Variants in SPTBN1 observed in about 807,000 individuals in gnomAD.
SPTBN1 encodes the protein spectrin beta, non-erythrocytic 1.
SPTBN1 carries 32 observed loss-of-function variants against 266.4 expected under a neutral mutation model. The observed-to-expected ratio is 0.12, with a 90% CI of 0.09 to 0.16. The LOEUF is 0.16. SPTBN1 is among the 10% of genes least tolerant of loss of function. The pLI, the probability that SPTBN1 is intolerant of heterozygous loss-of-function variation, is 1.00. For missense variants in SPTBN1, 2,296 were observed against 3,067.1 expected (o/e 0.75, Z 5.94); for synonymous variants, 1,336 against 1,162.2 (o/e 1.15, Z -3.04).
intron 2 of SPTBN1, among the ~76,000 whole-genome samples, chr2:54,548,750 G>C (rs1465777948): frequency 6.6e-6 from 1 of 152,136 alleles, no homozygotes; most frequent in Non-Finnish European, 1.5e-5. Context: ...AGATGGGTTG[G>C]CTTAGATAGA....
At chr2:54,623,640 G>C in intron 10 of SPTBN1, 44 bp downstream of exon 10, 1 of 1,502,034 alleles carries the variant, frequency 6.7e-7, no homozygotes, top group Non-Finnish European at 9.2e-7. Flanking sequence ...CCTCCTGGAG[G>C]CTTCAGGTTC....
intron 1 of SPTBN1, among the ~76,000 whole-genome samples, chr2:54,487,304 G>A (rs1484429245): frequency 1.3e-5 from 2 of 150,238 alleles, no homozygotes; most frequent in African/African-American, 4.9e-5. Flanking sequence ...TTCACGTAAT[G>A]AAATTAAGCA....
Position 54,626,180 on chromosome 2 carries a change from G to A in SPTBN1, c.1590G>A (p.Leu530=). 1 of 1,614,216 alleles carries A rather than the reference G, an allele frequency of 6.2e-7. No individual in the cohort carries two copies. Among genetic ancestry groups the A allele is most frequent in the Non-Finnish European group, 8.5e-7 (1 of 1,180,040 alleles). ...AGCGGCTCGAGATGAACCTGGGGCTGCAGAAGATATTCCAGGAAATGCTCT... is the reference window on the plus strand; with the variant it reads ...AGCGGCTCGAGATGAACCTGGGGCTACAGAAGATATTCCAGGAAATGCTCT... ...RRQRLEMNLG[L]QKIFQEMLYI... Residue 530 remains leucine (L), a synonymous_variant, in exon 12 of 36, where the codon CTG becomes CTA. Coordinates refer to ENST00000356805, the MANE Select transcript of SPTBN1 (RefSeq NM_003128.3). This position sits in a 1 kb window ranked among gnomAD's most constrained non-coding sequence, Gnocchi z 4.7.
rs142243096 is a variant in SPTBN1 at position 54,508,208 on chromosome 2, G to A, written c.-47-18164G>A. ...TGTATAGAGGTGAGAAGGCCAAACC[G>A]AGGAACTATGTCTGACAGAAGGGAA... On this transcript the variant is annotated intron_variant, in intron 1 of 35. Transcript: ENST00000356805. Among the ~76,000 whole-genome samples, 1,429 of 152,302 alleles carry A rather than the reference G, an allele frequency of 9.4e-3. 28 individuals are homozygous for A. The highest frequency in any genetic ancestry group is 0.033 in the African/African-American group (1,353 of 41,558).
intron 2 of SPTBN1, among the ~76,000 whole-genome samples, chr2:54,583,095 A>G (rs1558867513): frequency 6.6e-6 from 1 of 152,032 alleles, no homozygotes; most frequent in Non-Finnish European, 1.5e-5. Flanking sequence ...TAGCTGAAGC[A>G]CTGGTGGATG....
chr2:54,482,324 G>A (rs1425169753), intron 1 of SPTBN1, among the ~76,000 whole-genome samples: 1 of 150,946 alleles, frequency 6.6e-6, no homozygotes, highest in Non-Finnish European at 1.5e-5. Flanking sequence ...AGACCAGCTT[G>A]GGCAACATAG....
intron 1 of SPTBN1, among the ~76,000 whole-genome samples, chr2:54,484,769 T>C (rs1036119643): frequency 3.0e-5 from 2 of 66,304 alleles, no homozygotes; most frequent in Non-Finnish European, 5.1e-5. Flanking sequence ...CGTGGGGTGG[T>C]TGTGTCGGAG....
intron 18 of SPTBN1, 67 bp from the exon 19 acceptor site, chr2:54,642,916 C>G: frequency 1.9e-6 from 3 of 1,565,756 alleles, no homozygotes; most frequent in Non-Finnish European, 2.6e-6. Flanking sequence ...AAACACAACC[C>G]TTTCCAGGCG....
chr2:54,613,993 C>T (rs1236481186), intron 4 of SPTBN1, among the ~76,000 whole-genome samples: 1 of 152,228 alleles, frequency 6.6e-6, no homozygotes, highest in African/African-American at 2.4e-5. Context: ...CAGCCCTTTT[C>T]AGGATTCTCA....
In SPTBN1 at chr2:54,642,965, C is replaced by A. The variant is rs751395443; in HGVS notation, c.3859-18C>A. Reference sequence around the variant, plus strand: ...TGTCTAGGATCACAATCTCTGAATCCTTCTGATCTTTCTGTAGCTGTCTCT... The same window carrying A: ...TGTCTAGGATCACAATCTCTGAATCATTCTGATCTTTCTGTAGCTGTCTCT... On this transcript the variant is annotated intron_variant, in intron 18 of 35. Transcript: ENST00000356805. 6.2e-7 allele frequency: 1 copy of A among 1,608,744 alleles called. No homozygotes were observed. The highest frequency in any genetic ancestry group is 8.5e-7 in the Non-Finnish European group (1 of 1,177,062).
At chr2:54,604,237 G>A (rs189322715) in intron 3 of SPTBN1, among the ~76,000 whole-genome samples, 4 of 152,236 alleles carry the variant, frequency 2.6e-5, no homozygotes, top group Non-Finnish European at 4.4e-5. Flanking sequence ...GGAGTACAGG[G>A]TGGAACAGGG....
Position 54,499,790 on chromosome 2 carries a change from C to CT in SPTBN1, c.-47-26579dup, listed in dbSNP as rs755743951. Among the ~76,000 whole-genome samples, 261 of 152,292 alleles carry CT rather than the reference C, an allele frequency of 1.7e-3. 2 individuals carry two copies. Among genetic ancestry groups the CT allele is most frequent in the Non-Finnish European group, 2.8e-3 (189 of 68,016 alleles). On this transcript the variant is annotated intron_variant, in intron 1 of 35. Transcript: ENST00000356805. ...TGTTATTACTTTGCTTTCCCCCTTCCTTTAGCCCATGTTTCTCACTATGAA... is the reference window on the plus strand; with the variant it reads ...TGTTATTACTTTGCTTTCCCCCTTCCTTTTAGCCCATGTTTCTCACTATGAA...
intron 2 of SPTBN1, among the ~76,000 whole-genome samples, chr2:54,559,890 GT>G (rs1673167465): frequency 6.6e-6 from 1 of 152,172 alleles, no homozygotes; most frequent in Non-Finnish European, 1.5e-5. Flanking sequence ...GCCCTAGAAT[GT>G]TTTTCATTGG....
chr2:54,504,002 A>G (rs745435404), intron 1 of SPTBN1, among the ~76,000 whole-genome samples: 4 of 152,210 alleles, frequency 2.6e-5, no homozygotes, highest in Admixed American at 2.0e-4. Flanking sequence ...TCTTCTGAGT[A>G]TCCCCCACAC....
At chr2:54,632,848 G>A (rs947778652) in intron 17 of SPTBN1, 80 bp downstream of exon 17, 1 of 1,490,458 alleles carries the variant, frequency 6.7e-7, no homozygotes, top group Non-Finnish European at 9.1e-7. Context: ...GAAGCCCTTG[G>A]GAGTTTAGGT....
chr2:54,494,698 A>G (rs1224459596), intron 1 of SPTBN1, among the ~76,000 whole-genome samples: 2 of 152,204 alleles, frequency 1.3e-5, no homozygotes, highest in African/African-American at 4.8e-5. Context: ...AGCGACAGAA[A>G]GCAGATCCAT....
rs1228364493 is a variant in SPTBN1 at position 54,669,342 on chromosome 2, A to C, written c.*773A>C. 1 of 152,482 alleles carries C rather than the reference A, an allele frequency of 6.6e-6. No homozygotes were observed. The highest frequency in any genetic ancestry group is 1.5e-5 in the Non-Finnish European group (1 of 68,032). The allele number at this position is 152,482 out of a possible 1,614,324, so 9.4% of individuals were successfully genotyped here. A position where few individuals can be genotyped will look rare whatever the true frequency, so the allele number is the denominator to read the frequency against. ...ATAATAAACCCTTTAAATCATTGGT[A>C]AGTGTACAAGTGGTGGAACTGAAGC... On this transcript the variant is annotated 3_prime_UTR_variant, in exon 36 of 36. Transcript: ENST00000356805.
chr2:54,586,789 C>T (rs192858023), intron 2 of SPTBN1, among the ~76,000 whole-genome samples: 4 of 152,224 alleles, frequency 2.6e-5, no homozygotes, highest in Admixed American at 6.5e-5. Flanking sequence ...GGAGAGCTGT[C>T]GGAAACTGTC....
chr2:54,610,566 A>C (rs991277831), intron 3 of SPTBN1, among the ~76,000 whole-genome samples: 1 of 152,192 alleles, frequency 6.6e-6, no homozygotes, highest in Non-Finnish European at 1.5e-5. Flanking sequence ...CACCCAGCCA[A>C]ACGCTGCATT....
Sources: gnomAD v4.1 joint callset for allele counts (sites outside exome capture counted in the v4.1 genomes callset) on GRCh38, gnomAD v4.1.1 for gene constraint, Gnocchi (gnomAD v3.1) non-coding constraint, MANE v1.5 for transcripts, NCBI Gene and HGNC (gene_info 2026-07-23, HGNC 2026-07-21) for gene names.